LTV1: variants seen among roughly 807,000 people sequenced by gnomAD.
The protein encoded by LTV1 is LTV1 ribosome biogenesis factor, also known as protein LTV1 homolog.
In LTV1, 39 loss-of-function variants were observed where a neutral mutation model predicts 59.9. That is an observed-to-expected ratio of 0.65 (90% CI 0.50 to 0.85). The LOEUF (loss-of-function observed/expected upper bound fraction) is 0.85. LTV1 is among the 40% of genes least tolerant of loss of function. LTV1 has a pLI of 0.00. For missense variants in LTV1, 493 were observed against 549.1 expected (o/e 0.90, Z 1.02); for synonymous variants, 171 against 189.5 (o/e 0.90, Z 0.80).
At chr6:143,850,477 G>A (rs979799810) in intron 4 of LTV1, among the ~76,000 whole-genome samples, 3 of 152,160 alleles carry the variant, frequency 2.0e-5, no homozygotes, top group African/African-American at 7.2e-5. Flanking sequence ...TAGGGGAATT[G>A]TAACCTTCAC....
rs1389106124 is a variant in LTV1, at chr6:143,863,063, G to C, written c.1117-23G>C. The C allele has an allele frequency of 6.3e-7, 1 of 1,591,706 alleles. No individual in the cohort carries two copies. Among genetic ancestry groups the C allele is most frequent in the Non-Finnish European group, 8.6e-7 (1 of 1,160,304 alleles). Reference sequence around the variant, plus strand: ...TTAATAGGAATGAGAAGTAACTCTAGTACCATTTTATCTGTATTTCAGCCC... The same window carrying C: ...TTAATAGGAATGAGAAGTAACTCTACTACCATTTTATCTGTATTTCAGCCC... On this transcript the variant is annotated intron_variant, in intron 9 of 10. Coordinates refer to ENST00000367576, the MANE Select transcript of LTV1 (RefSeq NM_032860.5). The surrounding 1 kb of genome is among the most constrained non-coding windows in gnomAD (Gnocchi z 4.5).
rs924212185 is a variant in LTV1 at position 143,846,108 on chromosome 6, G to A, written c.193G>A (p.Asp65Asn). The change falls in exon 3 of 11, where the codon GAC (aspartate) becomes AAC (asparagine). Residue 65 changes from aspartate to asparagine, a missense_variant. Transcript: ENST00000367576. ...QRKYGVFFDD[D>N]YDYLQHLKEP... ...GAAGTATGGAGTGTTCTTTGATGAC[G>A]ACTATGACTACCTGCAGCACCTGAA... The A allele has an allele frequency of 1.2e-5, 19 of 1,614,034 alleles. No individual in the cohort carries two copies. Among genetic ancestry groups the A allele is most frequent in the Non-Finnish European group, 1.6e-5 (19 of 1,180,022 alleles).
intron 2 of LTV1, 21 bp downstream of exon 2, chr6:143,844,638 A>G (rs1437077711): frequency 6.2e-7 from 1 of 1,600,500 alleles, no homozygotes; most frequent in Non-Finnish European, 8.5e-7. Flanking sequence ...TTCTTTAGCC[A>G]GTCAGTTTGT....
intron 3 of LTV1, among the ~76,000 whole-genome samples, chr6:143,847,004 G>A (rs1392486513): frequency 6.6e-6 from 1 of 152,220 alleles, no homozygotes; most frequent in Non-Finnish European, 1.5e-5. Flanking sequence ...CCTTGGGGAA[G>A]ATGTGATTGT....
chr6:143,857,523 C>A lies in LTV1; in HGVS notation c.539+79C>A. On this transcript the variant is annotated intron_variant, in intron 5 of 10. Coordinates refer to ENST00000367576, the MANE Select transcript of LTV1 (RefSeq NM_032860.5). This position sits in a 1 kb window ranked among gnomAD's most constrained non-coding sequence, Gnocchi z 5.2. ...GTGGGATGGTAACCATAGAACGTTA[C>A]AGTTGGAAGAGACCTTCAAGAGCAT... The A allele has an allele frequency of 7.5e-7, 1 of 1,326,732 alleles. No individual in the cohort carries two copies. The highest frequency in any genetic ancestry group is 1.1e-6 in the Non-Finnish European group (1 of 939,714). 82.2% of individuals were successfully genotyped at this position (1,326,732 alleles called of 1,614,324 possible).
At chr6:143,858,071 T>C in intron 6 of LTV1, 64 bp downstream of exon 6, 1 of 1,506,918 alleles carries the variant, frequency 6.6e-7, no homozygotes, top group Non-Finnish European at 9.0e-7. Context: ...TTTTAATACC[T>C]GTCAGCTTTA....
intron 3 of LTV1, among the ~76,000 whole-genome samples, chr6:143,847,864 T>C (rs1776918942): frequency 6.6e-6 from 1 of 152,210 alleles, no homozygotes; most frequent in South Asian, 2.1e-4. Context: ...TTTACTTTAA[T>C]TTGTAACACA....
At position 143,843,384 on chromosome 6, in the gene LTV1, C is replaced by T; in HGVS notation, c.-94C>T. ...GGGGCTGCACGTGTGGTGAGGCCTA[C>T]AGAAGCGGCCTTCAGCTGGACCTTG... is the stretch of plus-strand genomic sequence containing the variant. On this transcript the variant is annotated 5_prime_UTR_variant, in exon 1 of 11. Transcript: ENST00000367576. The T allele has an allele frequency of 6.6e-7, 1 of 1,510,582 alleles. No homozygotes were observed. Among genetic ancestry groups the T allele is most frequent in the Non-Finnish European group, 9.2e-7 (1 of 1,091,946 alleles). The allele number at this position is 1,510,582 out of a possible 1,614,324, so 93.6% of individuals were successfully genotyped here. A position where few individuals can be genotyped will look rare whatever the true frequency, so the allele number is the denominator to read the frequency against.
chr6:143,863,536 G>A lies in LTV1; in HGVS notation c.*9G>A. On this transcript the variant is annotated 3_prime_UTR_variant, in exon 11 of 11. Coordinates refer to ENST00000367576, the MANE Select transcript of LTV1 (RefSeq NM_032860.5). The surrounding 1 kb of genome is among the most constrained non-coding windows in gnomAD (Gnocchi z 4.5). ...AGGGTCTAAAGCTATAGACAGTGGA[G>A]CATACAGGGCAAGGCACTTTATTAG... 1 of 1,591,044 alleles carries A rather than the reference G, an allele frequency of 6.3e-7. No individual in the cohort carries two copies. Among genetic ancestry groups the A allele is most frequent in the South Asian group, 1.1e-5 (1 of 90,020 alleles).
At chr6:143,848,476 G>A (rs1776929767) in intron 3 of LTV1, among the ~76,000 whole-genome samples, 1 of 152,130 alleles carries the variant, frequency 6.6e-6, no homozygotes, top group Non-Finnish European at 1.5e-5. Flanking sequence ...GCCATATGTA[G>A]CCTTTACTCA....
rs1309767217 is a variant in LTV1 at position 143,857,583 on chromosome 6, T to A, written c.539+139T>A. On this transcript the variant is annotated intron_variant, in intron 5 of 10. Transcript: ENST00000367576. This position sits in a 1 kb window ranked among gnomAD's most constrained non-coding sequence, Gnocchi z 5.2. ...GACTTCTGTATTTTAGAGCAGAAAA[T>A]GTGAGATTCATTGCTTTTCCTACCA... 1.2e-5 allele frequency: 13 copies of A among 1,097,012 alleles called. No homozygotes were observed. Among genetic ancestry groups the A allele is most frequent in the Non-Finnish European group, 1.7e-5 (13 of 746,804 alleles). The allele number at this position is 1,097,012 out of a possible 1,614,324, so 68.0% of individuals were successfully genotyped here. A position where few individuals can be genotyped will look rare whatever the true frequency, so the allele number is the denominator to read the frequency against.
In LTV1 at chr6:143,857,064, A is replaced by C. The variant is rs894319447; in HGVS notation, c.398-239A>C. Among the ~76,000 whole-genome samples the C allele has an allele frequency of 6.6e-6, 1 of 152,204 alleles. No homozygotes were observed. The highest frequency in any genetic ancestry group is 1.5e-5 in the Non-Finnish European group (1 of 68,032). On this transcript the variant is annotated intron_variant, in intron 4 of 10. Coordinates refer to ENST00000367576, the MANE Select transcript of LTV1 (RefSeq NM_032860.5). This position sits in a 1 kb window ranked among gnomAD's most constrained non-coding sequence, Gnocchi z 5.2. Reference sequence around the variant, plus strand: ...CCCCTTCCCCCAGGTGCTCTGTCCCAGGAAGATGGGAGTTTTATTTATAAG... The same window carrying C: ...CCCCTTCCCCCAGGTGCTCTGTCCCCGGAAGATGGGAGTTTTATTTATAAG...
At chr6:143,856,350 G>C (rs1252826036) in intron 4 of LTV1, among the ~76,000 whole-genome samples, 1 of 151,978 alleles carries the variant, frequency 6.6e-6, no homozygotes, top group Non-Finnish European at 1.5e-5. Flanking sequence ...TTTTTTCAAG[G>C]TTTTTAGCTT....
Position 143,862,142 on chromosome 6 carries a change from A to C in LTV1, c.962A>C (p.Gln321Pro). 1 of 1,614,132 alleles carries C rather than the reference A, an allele frequency of 6.2e-7. No homozygotes were observed. Among genetic ancestry groups the C allele is most frequent in the South Asian group, 1.1e-5 (1 of 91,074 alleles). The change falls in exon 8 of 11, where the codon CAA becomes CCA. Residue 321 changes from glutamine (Q) to proline (P), a missense_variant. By Grantham distance (76) the Gln-to-Pro change is moderately conservative. Transcript: ENST00000367576. This position sits in a 1 kb window ranked among gnomAD's most constrained non-coding sequence, Gnocchi z 4.2. ...AATACCCTTGAACCCTTGGAGGATC[A>C]AGACCTGCCAATGAATGAGCTTGAT... ...KLNTLEPLED[Q>P]DLPMNELDES... is the part of the protein sequence containing the mutation.
At chr6:143,847,323 C>G (rs1776910361) in intron 3 of LTV1, among the ~76,000 whole-genome samples, 1 of 152,188 alleles carries the variant, frequency 6.6e-6, no homozygotes, top group South Asian at 2.1e-4. Context: ...TAAAGTCTTG[C>G]CTGGCTTGTA....
chr6:143,844,650 G>T, intron 2 of LTV1, 33 bp downstream of exon 2: 1 of 1,569,632 alleles, frequency 6.4e-7, no homozygotes. Flanking sequence ...TCAGTTTGTA[G>T]GTAGACAATA....
Position 143,862,069 on chromosome 6 carries a change from C to T in LTV1, c.924-35C>T. The T allele has an allele frequency of 1.3e-6, 2 of 1,597,550 alleles. No homozygotes were observed. Among genetic ancestry groups the T allele is most frequent in the Non-Finnish European group, 1.7e-6 (2 of 1,173,622 alleles). ...GTATAATAATAGGTCATTTTTCCCC[C>T]TCTTGGTCTTCACTTTTAAAAACTC... On this transcript the variant is annotated intron_variant, in intron 7 of 10. Transcript: ENST00000367576. The surrounding 1 kb of genome is among the most constrained non-coding windows in gnomAD (Gnocchi z 4.2).
In LTV1 at chr6:143,862,765, A is replaced by C. The variant is rs140437147; in HGVS notation, c.1064-79A>C. On this transcript the variant is annotated intron_variant, in intron 8 of 10. Coordinates refer to ENST00000367576, the MANE Select transcript of LTV1 (RefSeq NM_032860.5). The surrounding 1 kb of genome is among the most constrained non-coding windows in gnomAD (Gnocchi z 4.2). ...TTGCACTATGAAAACACAAGGTCAG[A>C]AATATAGTAGGAATTCAGTAATGCT... 3.5e-3 allele frequency: 3,202 copies of C among 905,286 alleles called. 73 individuals carry two copies. In the Admixed American group the frequency reaches 0.048, roughly 14 times the overall value. 56.1% of individuals were successfully genotyped at this position (905,286 alleles called of 1,614,324 possible).
In LTV1 at chr6:143,863,710, A is replaced by C. The variant is rs931864274; in HGVS notation, c.*183A>C. On this transcript the variant is annotated 3_prime_UTR_variant, in exon 11 of 11. Transcript: ENST00000367576. The surrounding 1 kb of genome is among the most constrained non-coding windows in gnomAD (Gnocchi z 4.5). ...CCAACCATCTTGTAAATATTGTAAT[A>C]CTTTAATTTTTAATATTATAAGCTT... 4.5e-6 allele frequency: 2 copies of C among 447,846 alleles called. No homozygotes were observed. The highest frequency in any genetic ancestry group is 7.6e-5 in the Admixed American group (2 of 26,198). The allele number at this position is 447,846 out of a possible 1,614,324, so 27.7% of individuals were successfully genotyped here.
Sources: allele counts gnomAD v4.1 joint callset (sites outside exome capture counted in the v4.1 genomes callset), GRCh38; gene constraint gnomAD v4.1.1; non-coding constraint Gnocchi (gnomAD v3.1); transcripts MANE v1.5; gene names NCBI Gene and HGNC (gene_info 2026-07-23, HGNC 2026-07-21).